Variants in TENM1 observed in about 807,000 individuals in gnomAD.
TENM1 encodes the protein teneurin transmembrane protein 1.
TENM1 carries 35 observed loss-of-function variants against 174.8 expected under a neutral mutation model. The ratio of observed to expected loss-of-function variants is 0.20; its 90% CI spans 0.15 to 0.27. TENM1 has a LOEUF of 0.27. Ranked by LOEUF, TENM1 falls within the 10% of genes least tolerant of loss-of-function variation. The pLI is 1.00. For synonymous variants in TENM1, 781 were observed against 798.7 expected, an observed-to-expected ratio of 0.98 and a Z score of 0.37; for missense variants, 1,633 against 2,130.1, an observed-to-expected ratio of 0.77 and a Z score of 4.59.
chrX:124,668,175 C>T (rs931846058), intron 6 of TENM1, among the ~76,000 whole-genome samples: 3 of 111,205 alleles, frequency 2.7e-5, no homozygotes, highest in Non-Finnish European at 5.7e-5. Context: ...TTTAGAATGG[C>T]GATCATTAAA....
At chrX:125,109,547 C>T in the TENM1 span, among the ~76,000 whole-genome samples, 121 of 110,954 alleles carry the variant, frequency 1.1e-3, no homozygotes, top group African/African-American at 3.8e-3. Context: ...CCCACTCCCC[C>T]AAACACGCAG....
At chrX:125,126,720 C>T in the TENM1 span, among the ~76,000 whole-genome samples, 1 of 110,972 alleles carries the variant, frequency 9.0e-6, no homozygotes, top group Non-Finnish European at 1.9e-5. Flanking sequence ...CCCTGAAGTG[C>T]AGCCAATGAA....
chrX:124,980,883 T>C, the TENM1 span, among the ~76,000 whole-genome samples: 1 of 111,988 alleles, frequency 8.9e-6, no homozygotes, highest in Non-Finnish European at 1.9e-5. Flanking sequence ...TTTACATTTT[T>C]CCTATTCTCC....
At chrX:125,023,972 C>CA in the TENM1 span, among the ~76,000 whole-genome samples, 2 of 111,604 alleles carry the variant, frequency 1.8e-5, no homozygotes, top group African/African-American at 6.5e-5. Context: ...AACAAACAGA[C>CA]AAAAAAATGC....
intron 23 of TENM1, among the ~76,000 whole-genome samples, chrX:124,438,524 C>T (rs2060869223): frequency 9.0e-6 from 1 of 111,659 alleles, no homozygotes; most frequent in South Asian, 3.8e-4. Flanking sequence ...TGCTTTTCCT[C>T]TGGTGCTTAA....
intron 3 of TENM1, among the ~76,000 whole-genome samples, chrX:124,877,391 A>T (rs1390035425): frequency 4.5e-5 from 5 of 112,069 alleles, no homozygotes; most frequent in Non-Finnish European, 9.4e-5. Flanking sequence ...ATCATTTTCC[A>T]TTGGTTCCTA....
intron 5 of TENM1, among the ~76,000 whole-genome samples, chrX:124,696,323 C>T (rs1215592151): frequency 2.7e-5 from 3 of 111,602 alleles, no homozygotes; most frequent in South Asian, 3.7e-4. Context: ...TACAATCAGA[C>T]ATTTAAAAAG....
At chrX:124,822,038 G>A (rs1386340097) in intron 3 of TENM1, among the ~76,000 whole-genome samples, 5 of 112,268 alleles carry the variant, frequency 4.5e-5, no homozygotes, top group Non-Finnish European at 9.4e-5. Context: ...CCTTGGTAAT[G>A]GAGTTATAGA....
rs747970272 is a variant in TENM1 at position 124,381,068 on chromosome X, C to T, written c.7667G>A (p.Arg2556Gln). 2.0e-5 allele frequency: 24 copies of T among 1,210,190 alleles called. No homozygotes were observed. Among genetic ancestry groups the T allele is most frequent in the African/African-American group, 1.7e-4 (10 of 57,220 alleles). Residue 2556 changes from arginine (R) to glutamine (Q), a missense_variant, in exon 32 of 32, where the codon CGG becomes CAG. Around this residue, in one of 4 missense-constraint regions of TENM1, gnomAD observed 807 missense variants for 1,125.3 expected, o/e 0.72. Coordinates refer to ENST00000422452, the Ensembl canonical transcript of TENM1. ...GGCATTATTGAGAATGGCAGCAAGC[C>T]GCCTGCTATCTTCATTGGCTACTCC...
chrX:124,627,084 A>G lies in TENM1; in HGVS notation c.2077+14707T>C, dbSNP rs2050654729. On this transcript the variant is annotated intron_variant, in intron 11 of 31. Coordinates refer to ENST00000422452, the Ensembl canonical transcript of TENM1. ...GTTCCAGAGCTATGTTTGCATTTACATTTTGATTTACTATGTAAGGAGGCT... is the reference window on the plus strand; with the variant it reads ...GTTCCAGAGCTATGTTTGCATTTACGTTTTGATTTACTATGTAAGGAGGCT... Among the ~76,000 whole-genome samples, 4 of 111,491 alleles carry G rather than the reference A, an allele frequency of 3.6e-5. No individual in the cohort carries two copies. In the Admixed American group the frequency reaches 3.8e-4, roughly 11 times the overall value.
At chrX:125,052,048 A>G in the TENM1 span, among the ~76,000 whole-genome samples, 1 of 112,055 alleles carries the variant, frequency 8.9e-6, no homozygotes, top group South Asian at 3.7e-4. Flanking sequence ...ATGAACAGAC[A>G]CTTCTCGAAA....
chrX:124,968,782 C>A (rs2058757286), upstream of TENM1, among the ~76,000 whole-genome samples: 1 of 111,660 alleles, frequency 9.0e-6, no homozygotes, highest in Non-Finnish European at 1.9e-5. Flanking sequence ...GAGGTGCACA[C>A]AATTATGTGT....
chrX:125,082,636 G>T, the TENM1 span, among the ~76,000 whole-genome samples: 12 of 111,251 alleles, frequency 1.1e-4, no homozygotes, highest in African/African-American at 3.9e-4. Context: ...ATTTGTTTAA[G>T]TATCACCTCC....
At chrX:124,595,253 T>TAC (rs914479906) in intron 11 of TENM1, among the ~76,000 whole-genome samples, 2 of 111,580 alleles carry the variant, frequency 1.8e-5, no homozygotes, top group Non-Finnish European at 3.8e-5. Flanking sequence ...TTTTGCCACA[T>TAC]ACACACACAC....
chrX:124,668,151 C>T (rs1354497129), intron 6 of TENM1, among the ~76,000 whole-genome samples: 1 of 111,164 alleles, frequency 9.0e-6, no homozygotes, highest in Non-Finnish European at 1.9e-5. Flanking sequence ...TTTGTAGATT[C>T]TGGATATTAG....
chrX:124,637,235 G>A (rs1022680748), intron 11 of TENM1, among the ~76,000 whole-genome samples: 12 of 109,842 alleles, frequency 1.1e-4, no homozygotes, highest in Non-Finnish European at 3.8e-5. Context: ...GACTATGGGC[G>A]CACGCCACCA....
intron 14 of TENM1, 43 bp from the exon 18 acceptor site, chrX:124,547,133 A>G: frequency 9.6e-7 from 1 of 1,036,636 alleles, no homozygotes; most frequent in Non-Finnish European, 1.3e-6. Flanking sequence ...TTTAGCTTCA[A>G]GAGAAAAATA....
At position 124,443,242 on chromosome X, in the gene TENM1, A is replaced by T. The variant is rs565155103; in HGVS notation, c.4104+10095T>A. Among the ~76,000 whole-genome samples, 5 of 111,243 alleles carry T rather than the reference A, an allele frequency of 4.5e-5. No individual in the cohort carries two copies. The South Asian group carries it at 1.1e-3, about 25-fold the overall frequency. Reference sequence around the variant, plus strand: ...CTGAAGCTTGCAAAAAAATCTAAGGACAAGAGAAAGTTGTTTTTTCAGTTA... The same window carrying T: ...CTGAAGCTTGCAAAAAAATCTAAGGTCAAGAGAAAGTTGTTTTTTCAGTTA... On this transcript the variant is annotated intron_variant, in intron 23 of 31. Coordinates refer to ENST00000422452, the Ensembl canonical transcript of TENM1.
chrX:124,580,063 A>G (rs1602702934), intron 11 of TENM1, among the ~76,000 whole-genome samples: 1 of 111,615 alleles, frequency 9.0e-6, no homozygotes, highest in East Asian at 2.8e-4. Flanking sequence ...TGTGTGTGGG[A>G]AAGCTGCATG....
Sources: allele counts gnomAD v4.1 joint callset (sites outside exome capture counted in the v4.1 genomes callset), GRCh38; gene constraint gnomAD v4.1.1; regional missense constraint gnomAD v4.1.1; transcripts MANE v1.5; gene names NCBI Gene and HGNC (gene_info 2026-07-23, HGNC 2026-07-21).